The following PLCB1 variants were observed in gnomAD, a reference collection of about 807,000 sequenced individuals.
PLCB1 encodes the protein phospholipase C beta 1.
A neutral mutation model predicts 161.8 loss-of-function variants in PLCB1; 46 were observed. The ratio of observed to expected loss-of-function variants is 0.28; its 90% CI spans 0.22 to 0.36. PLCB1 has a LOEUF of 0.36. Among genes scored for constraint, PLCB1 ranks in the 10% least tolerant of loss-of-function variants. The pLI is 1.00. For missense variants in PLCB1, 1,016 were observed against 1,472.5 expected, an observed-to-expected ratio of 0.69 and a Z score of 5.07; for synonymous variants, 517 against 503.7, an observed-to-expected ratio of 1.03 and a Z score of -0.35.
intron 2 of PLCB1, among the ~76,000 whole-genome samples, chr20:8,173,608 C>T (rs1242190252): frequency 1.3e-5 from 2 of 152,128 alleles, no homozygotes; most frequent in Non-Finnish European, 2.9e-5. Flanking sequence ...GAAAGTTGCT[C>T]ATCATACTAA....
chr20:8,628,705 C>T (rs571396466), intron 4 of PLCB1: 68 of 298,324 alleles, frequency 2.3e-4, no homozygotes, highest in Non-Finnish European at 2.4e-4. Flanking sequence ...GAGGCCGAGG[C>T]GGACAGATCA....
At chr20:8,267,421 C>T (rs527969227) in intron 2 of PLCB1, among the ~76,000 whole-genome samples, 1 of 152,192 alleles carries the variant, frequency 6.6e-6, no homozygotes, top group East Asian at 1.9e-4. Flanking sequence ...TGGTATAATC[C>T]ATGCTCCAGA....
At chr20:8,520,573 C>T (rs1340784853) in intron 3 of PLCB1, among the ~76,000 whole-genome samples, 1 of 152,062 alleles carries the variant, frequency 6.6e-6, no homozygotes, top group African/African-American at 2.4e-5. Flanking sequence ...GTACATCACA[C>T]AGAACTTTAA....
chr20:8,840,421 AAT>A (rs1203498128), intron 31 of PLCB1, among the ~76,000 whole-genome samples: 1 of 152,166 alleles, frequency 6.6e-6, no homozygotes, highest in Non-Finnish European at 1.5e-5. Context: ...AAGCTCCAAA[AAT>A]AGAGTGAGTG....
intron 2 of PLCB1, among the ~76,000 whole-genome samples, chr20:8,360,701 C>T (rs1175101444): frequency 6.6e-6 from 1 of 152,142 alleles, no homozygotes; most frequent in Non-Finnish European, 1.5e-5. Flanking sequence ...TGGTTGAATT[C>T]CGTCTGTCTT....
Position 8,554,158 on chromosome 20 carries a change from T to C in PLCB1, c.247-74136T>C, listed in dbSNP as rs183184140. ...CTGAAACTCTCATACAGGGGTGATATAAAATGGTACAACTACTTTGGAAAA... is the reference window on the plus strand; with the variant it reads ...CTGAAACTCTCATACAGGGGTGATACAAAATGGTACAACTACTTTGGAAAA... On this transcript the variant is annotated intron_variant, in intron 3 of 31. Transcript: ENST00000338037. 9.0e-4 allele frequency among the ~76,000 whole-genome samples: 136 copies of C among 151,890 alleles called. 2 individuals are homozygous for C. The highest frequency in any genetic ancestry group is 3.3e-3 in the African/African-American group (135 of 41,420).
chr20:8,574,828 A>G (rs981331426), intron 3 of PLCB1, among the ~76,000 whole-genome samples: 1 of 146,204 alleles, frequency 6.8e-6, no homozygotes, highest in African/African-American at 2.8e-5. Context: ...CCAGCCTGTT[A>G]GGCCTTAAGC....
rs376218772 is a variant in PLCB1, at chr20:8,198,162, T to C, written c.177+47791T>C. Among the ~76,000 whole-genome samples the C allele has an allele frequency of 7.2e-5, 11 of 152,166 alleles. No homozygotes were observed. The East Asian group carries it at 1.9e-3, about 27-fold the overall frequency. On this transcript the variant is annotated intron_variant, in intron 2 of 31. Transcript: ENST00000338037. The stretch of plus-strand genomic sequence containing the variant: ...ATGCGGGCTCTTTTTTCGTTCCATA[T>C]GAACTTTAAAGTAGTTTTTTCCAAT...
chr20:8,420,356 A>G (rs892528765), intron 3 of PLCB1, among the ~76,000 whole-genome samples: 1 of 152,222 alleles, frequency 6.6e-6, no homozygotes, highest in African/African-American at 2.4e-5. Context: ...GGGCTTATTC[A>G]GGATTATTTG....
At position 8,729,112 on chromosome 20, in the gene PLCB1, A is replaced by G; in HGVS notation, c.1826A>G (p.Tyr609Cys). The G allele has an allele frequency of 1.2e-6, 2 of 1,612,470 alleles. No individual in the cohort carries two copies. The highest frequency in any genetic ancestry group is 1.7e-6 in the Non-Finnish European group (2 of 1,178,846). Residue 609 changes from tyrosine to cysteine, a missense_variant, in exon 18 of 32, where the codon TAT becomes TGT. Transcript: ENST00000338037. ...PKGTRVDSSN[Y>C]MPQLFWNAGC... is the part of the protein sequence containing the mutation. Reference sequence around the variant, plus strand: ...GGAACACGTGTGGATTCATCCAACTATATGCCTCAGCTCTTCTGGAATGCA... The same window carrying G: ...GGAACACGTGTGGATTCATCCAACTGTATGCCTCAGCTCTTCTGGAATGCA...
rs374402412 is a variant in PLCB1, at chr20:8,150,323, G to A, written c.129G>A (p.Leu43=). The change falls in exon 2 of 32, where the codon TTG becomes TTA. Residue 43 remains leucine, a synonymous_variant. Coordinates refer to ENST00000338037, the MANE Select transcript of PLCB1 (RefSeq NM_015192.4). ...CAACTATTGTTACTCCAATTATTTTGAGGACTGACCCTCAGGGATTTTTCT... is the reference window on the plus strand; with the variant it reads ...CAACTATTGTTACTCCAATTATTTTAAGGACTGACCCTCAGGGATTTTTCT... ...DDSTIVTPII[L]RTDPQGFFFY... is the part of the protein sequence containing the mutation. 5 of 1,558,592 alleles carry A rather than the reference G, an allele frequency of 3.2e-6. No individual in the cohort carries two copies. The highest frequency in any genetic ancestry group is 2.3e-5 in the East Asian group (1 of 44,030).
intron 3 of PLCB1, among the ~76,000 whole-genome samples, chr20:8,394,391 GGT>G (rs961541980): frequency 6.6e-6 from 1 of 152,004 alleles, no homozygotes; most frequent in African/African-American, 2.4e-5. Context: ...TTCGGTTCCT[GGT>G]GTGTGTGTGC....
intron 31 of PLCB1, among the ~76,000 whole-genome samples, chr20:8,815,890 A>G (rs1985066614): frequency 6.6e-6 from 1 of 152,236 alleles, no homozygotes; most frequent in South Asian, 2.1e-4. Context: ...ATTATGTATA[A>G]TATGAAACAA....
chr20:8,470,677 T>A lies in PLCB1; in HGVS notation c.246+99227T>A, dbSNP rs947087260. On this transcript the variant is annotated intron_variant, in intron 3 of 31. Coordinates refer to ENST00000338037, the MANE Select transcript of PLCB1 (RefSeq NM_015192.4). The stretch of plus-strand genomic sequence containing the variant: ...CTCCCACCTCAGCCTCCCAAGTAGC[T>A]GGGACTACAAAGCACAAACTCTTTA... Among the ~76,000 whole-genome samples, 5 of 152,332 alleles carry A rather than the reference T, an allele frequency of 3.3e-5. No homozygotes were observed. The South Asian group carries it at 1.0e-3, about 32-fold the overall frequency.
intron 3 of PLCB1, among the ~76,000 whole-genome samples, chr20:8,425,423 T>C (rs1173563746): frequency 6.6e-6 from 1 of 152,166 alleles, no homozygotes; most frequent in East Asian, 1.9e-4. Flanking sequence ...TCAATCATGT[T>C]ATCTATGGCA....
chr20:8,783,275 G>A (rs1382485017), intron 27 of PLCB1, among the ~76,000 whole-genome samples: 1 of 152,148 alleles, frequency 6.6e-6, no homozygotes, highest in Non-Finnish European at 1.5e-5. Context: ...GTGAATTTTT[G>A]CTTCTTCTCT....
chr20:8,850,207 G>A (rs1197405955), intron 31 of PLCB1, among the ~76,000 whole-genome samples: 2 of 152,186 alleles, frequency 1.3e-5, no homozygotes, highest in East Asian at 1.9e-4. Context: ...CATAGCCAGA[G>A]CAGACACTCT....
At chr20:8,729,735 A>G (rs573314645) in intron 18 of PLCB1, 1 of 152,082 alleles carries the variant, frequency 6.6e-6, no homozygotes, top group South Asian at 2.1e-4. Context: ...TCTATTCCCT[A>G]AATTTCTTTT....
At chr20:8,320,925 G>GGAA (rs200224876) in intron 2 of PLCB1, among the ~76,000 whole-genome samples, 3,061 of 147,168 alleles carry the variant, frequency 0.021, 114 homozygotes, top group African/African-American at 0.071. Flanking sequence ...AGGAAGAAGA[G>GGAA]GAAGAAGAAG....
Sources: allele counts gnomAD v4.1 joint callset (sites outside exome capture counted in the v4.1 genomes callset), GRCh38; gene constraint gnomAD v4.1.1; transcripts MANE v1.5; gene names NCBI Gene and HGNC (gene_info 2026-07-23, HGNC 2026-07-21).